Variants in REV1 observed in about 807,000 individuals in gnomAD.
REV1 encodes the protein translesion synthesis protein REV1.
In REV1, 42 loss-of-function variants were observed where a neutral mutation model predicts 137.4. That is an observed-to-expected ratio of 0.31 (90% CI 0.24 to 0.40). The LOEUF (loss-of-function observed/expected upper bound fraction) is 0.40, where lower values mean the gene tolerates loss of function less well. Among genes scored for constraint, REV1 ranks in the 10% least tolerant of loss-of-function variants. REV1 has a pLI of 1.00. For synonymous variants in REV1, 524 were observed against 519.2 expected, an observed-to-expected ratio of 1.01 and a Z score of -0.12; for missense variants, 1,282 against 1,490.1, an observed-to-expected ratio of 0.86 and a Z score of 2.30.
At chr2:99,408,203 C>G in intron 14 of REV1, 72 bp from the exon 15 acceptor site, 1 of 804,122 alleles carries the variant, frequency 1.2e-6, no homozygotes, top group Non-Finnish European at 1.9e-6. Flanking sequence ...TAGTATGGAA[C>G]TGTTTAAAAG....
At chr2:99,467,649 G>C (rs757711000) in intron 1 of REV1, among the ~76,000 whole-genome samples, 8 of 152,194 alleles carry the variant, frequency 5.3e-5, no homozygotes, top group Non-Finnish European at 7.3e-5. Context: ...GATAAAGATT[G>C]CCGCAATTGC....
At chr2:99,442,713 C>T (rs1298972493) in intron 4 of REV1, among the ~76,000 whole-genome samples, 2 of 152,010 alleles carry the variant, frequency 1.3e-5, no homozygotes, top group African/African-American at 2.4e-5. Flanking sequence ...TATTTACCAC[C>T]CTGTCAACAG....
rs1178371887 is a variant in REV1 at position 99,402,304 on chromosome 2, G to T, written c.3584C>A (p.Thr1195Asn). ...EDILQVVKYC[T>N]DLIEEKDLEK... ...CAAATCTTTTTCTTCTATTAGATCA[G>T]TACAGTATTTCACAACTTGGAGAAT... Residue 1195 changes from threonine to asparagine, a missense_variant, in exon 22 of 23, where the codon ACT (threonine) becomes AAT (asparagine). Thr to Asn is a moderately conservative substitution (Grantham distance 65). Around this residue, in one of 7 missense-constraint regions of REV1, gnomAD observed 43 missense variants for 79.1 expected, o/e 0.54. Coordinates refer to ENST00000258428, the MANE Select transcript of REV1 (RefSeq NM_016316.4). 1.3e-6 allele frequency: 2 copies of T among 1,536,708 alleles called. No individual in the cohort carries two copies. The highest frequency in any genetic ancestry group is 1.8e-6 in the Non-Finnish European group (2 of 1,120,856).
At chr2:99,406,706 T>C in intron 15 of REV1, 1 of 367,702 alleles carries the variant, frequency 2.7e-6, no homozygotes, top group Non-Finnish European at 4.8e-6. Flanking sequence ...AACTTCAGAG[T>C]ATCCAATTCT....
intron 3 of REV1, among the ~76,000 whole-genome samples, chr2:99,461,294 A>G (rs1684162496): frequency 6.6e-6 from 1 of 152,240 alleles, no homozygotes; most frequent in African/African-American, 2.4e-5. Flanking sequence ...AATTCAACAA[A>G]TATGTCCTGA....
intron 3 of REV1, among the ~76,000 whole-genome samples, chr2:99,451,054 C>T (rs1682870354): frequency 6.6e-6 from 1 of 152,108 alleles, no homozygotes; most frequent in African/African-American, 2.4e-5. Flanking sequence ...AAACAGCTAG[C>T]CAGTCAGGAA....
At chr2:99,462,699 A>G (rs1489597003) in intron 2 of REV1, 77 bp from the exon 3 acceptor site, 12 of 1,401,848 alleles carry the variant, frequency 8.6e-6, no homozygotes, top group Non-Finnish European at 1.2e-5. Flanking sequence ...AAAATTTTAA[A>G]AACTAAATAA....
intron 13 of REV1, among the ~76,000 whole-genome samples, chr2:99,412,279 A>C (rs890157400): frequency 2.0e-5 from 3 of 150,892 alleles, no homozygotes; most frequent in Admixed American, 6.6e-5. Flanking sequence ...AAAAAAAAAA[A>C]AAACATATCC....
At chr2:99,486,843 A>G (rs1372818744) in intron 1 of REV1, among the ~76,000 whole-genome samples, 2 of 152,230 alleles carry the variant, frequency 1.3e-5, no homozygotes, top group African/African-American at 4.8e-5. Flanking sequence ...TGTACAAGTC[A>G]GACAAGACCT....
chr2:99,412,112 A>G (rs1677243223), intron 13 of REV1, among the ~76,000 whole-genome samples: 1 of 151,850 alleles, frequency 6.6e-6, no homozygotes, highest in African/African-American at 2.4e-5. Context: ...GGGTGCCTGT[A>G]ATCCCAGCTA....
intron 5 of REV1, among the ~76,000 whole-genome samples, chr2:99,440,912 T>C (rs996305765): frequency 1.1e-4 from 17 of 152,228 alleles, no homozygotes; most frequent in Admixed American, 2.0e-4. Flanking sequence ...TGCTGTACTA[T>C]AGTTTCTCAG....
In REV1 at chr2:99,406,454, G is replaced by T; in HGVS notation, c.2485C>A (p.Leu829Met). 1 of 1,612,574 alleles carries T rather than the reference G, an allele frequency of 6.2e-7. No homozygotes were observed. The highest frequency in any genetic ancestry group is 8.5e-7 in the Non-Finnish European group (1 of 1,179,258). ...CGACTGGGACATGTGGAAGGGTTCA[G>T]ATTAGTTGGAACCAACTGATTCACG... ...IHVNQLVPTN[L>M]NPSTCPSRPS... The change falls in exon 16 of 23, where the codon CTG (leucine) becomes ATG (methionine). Residue 829 changes from leucine to methionine, a missense_variant. By Grantham distance (15) the Leu-to-Met change is conservative (BLOSUM62 2). Coordinates refer to ENST00000258428, the MANE Select transcript of REV1 (RefSeq NM_016316.4).
chr2:99,430,956 A>G (rs2104727221), intron 8 of REV1, among the ~76,000 whole-genome samples: 1 of 152,330 alleles, frequency 6.6e-6, no homozygotes, highest in South Asian at 2.1e-4. Flanking sequence ...ATATCACTTC[A>G]GCTATTCCAG....
intron 4 of REV1, among the ~76,000 whole-genome samples, chr2:99,443,901 G>A (rs1332035820): frequency 6.6e-6 from 1 of 151,378 alleles, no homozygotes; most frequent in Non-Finnish European, 1.5e-5. Flanking sequence ...GGAGTGCAGT[G>A]GCGCGATCTC....
Position 99,429,508 on chromosome 2 carries a change from G to A in REV1, c.1547+332C>T, listed in dbSNP as rs537237800. 3.4e-3 allele frequency among the ~76,000 whole-genome samples: 513 copies of A among 152,138 alleles called. 3 individuals are homozygous for A. The highest frequency in any genetic ancestry group is 0.011 in the African/African-American group (443 of 41,512). On this transcript the variant is annotated intron_variant, in intron 9 of 22. Transcript: ENST00000258428. ...TTAGCAATAAAAACAAAAGATTAGA[G>A]GGAATAAATATTAAAGTCCTCTTCC...
intron 1 of REV1, among the ~76,000 whole-genome samples, chr2:99,481,438 C>T (rs1005136866): frequency 4.6e-5 from 7 of 152,182 alleles, no homozygotes; most frequent in African/African-American, 1.7e-4. Context: ...ATCCTTCTAT[C>T]CATATTCAAA....
intron 3 of REV1, among the ~76,000 whole-genome samples, chr2:99,459,010 C>A (rs1039418290): frequency 6.6e-6 from 1 of 151,972 alleles, no homozygotes; most frequent in African/African-American, 2.4e-5. Flanking sequence ...AGATCAAGAC[C>A]ATACTGGCTA....
At chr2:99,461,542 C>A (rs928086624) in intron 3 of REV1, among the ~76,000 whole-genome samples, 1 of 152,166 alleles carries the variant, frequency 6.6e-6, no homozygotes, top group African/African-American at 2.4e-5. Context: ...TATCAGCCAG[C>A]TGAGAAGGGG....
chr2:99,430,416 C>T (rs28382904), intron 8 of REV1, among the ~76,000 whole-genome samples: 3 of 152,132 alleles, frequency 2.0e-5, no homozygotes, highest in Admixed American at 6.5e-5. Context: ...AGCTAACTAA[C>T]GGGTACAACA....
Sources: allele counts gnomAD v4.1 joint callset (sites outside exome capture counted in the v4.1 genomes callset), GRCh38; gene constraint gnomAD v4.1.1; regional missense constraint gnomAD v4.1.1; transcripts MANE v1.5; gene names NCBI Gene and HGNC (gene_info 2026-07-23, HGNC 2026-07-21).